Variants in EPB41L4A observed in about 807,000 individuals in gnomAD.
EPB41L4A encodes band 4.1-like protein 4A.
In EPB41L4A, 100 loss-of-function variants were observed where a neutral mutation model predicts 108.6. The observed-to-expected ratio is 0.92, with a 90% confidence interval of 0.78 to 1.09. The LOEUF (loss-of-function observed/expected upper bound fraction) is 1.09. Ranked by LOEUF, EPB41L4A falls within the 50% of genes least tolerant of loss-of-function variation. EPB41L4A has a pLI of 0.00. For missense variants in EPB41L4A, 1,030 were observed against 842.7 expected (o/e 1.22, Z -2.75); for synonymous variants, 319 against 289.0 (o/e 1.10, Z -1.05).
chr5:112,359,781 C>A (rs1472377677), intron 1 of EPB41L4A, among the ~76,000 whole-genome samples: 1 of 152,186 alleles, frequency 6.6e-6, no homozygotes, highest in Admixed American at 6.5e-5. Context: ...ACCTCGTGAT[C>A]CACCCGCCTT....
intron 16 of EPB41L4A, 104 bp downstream of exon 16, chr5:112,195,557 A>G (rs1761923637): frequency 1.2e-5 from 12 of 988,266 alleles, no homozygotes; most frequent in Non-Finnish European, 1.2e-5. Context: ...GAAAGTAAAA[A>G]AAATAAAAAA....
At chr5:112,182,263 A>T (rs890192231) in intron 18 of EPB41L4A, among the ~76,000 whole-genome samples, 1 of 152,152 alleles carries the variant, frequency 6.6e-6, no homozygotes, top group African/African-American at 2.4e-5. Flanking sequence ...ATTTCACCTC[A>T]AATTGCCTCA....
intron 12 of EPB41L4A, among the ~76,000 whole-genome samples, chr5:112,146,837 G>A (rs1382114565): frequency 6.6e-6 from 1 of 152,164 alleles, no homozygotes; most frequent in African/African-American, 2.4e-5. Flanking sequence ...ACCACTCAAA[G>A]ATGTTTCATA....
chr5:112,147,062 A>G (rs1424104012), intron 12 of EPB41L4A, among the ~76,000 whole-genome samples: 1 of 152,236 alleles, frequency 6.6e-6, no homozygotes, highest in African/African-American at 2.4e-5. Context: ...TGTAATGTGT[A>G]AAGTGTAATG....
At chr5:112,337,092 C>T (rs555316247) in intron 1 of EPB41L4A, among the ~76,000 whole-genome samples, 1 of 152,096 alleles carries the variant, frequency 6.6e-6, no homozygotes, top group Non-Finnish European at 1.5e-5. Context: ...GAGCCTGTCA[C>T]GTGAAGGTTT....
intron 9 of EPB41L4A, among the ~76,000 whole-genome samples, chr5:112,252,901 G>T (rs1304952550): frequency 1.3e-5 from 2 of 151,840 alleles, no homozygotes; most frequent in African/African-American, 4.8e-5. Context: ...TGAAAAAATA[G>T]AAGTTAATAA....
intron 7 of EPB41L4A, 118 bp from the exon 8 acceptor site, chr5:112,260,097 C>T (rs1177469233): frequency 2.6e-6 from 2 of 765,560 alleles, no homozygotes; most frequent in Non-Finnish European, 4.3e-6. Context: ...TTTTGAAAGA[C>T]ATCAGCCTAG....
At chr5:112,226,479 G>A (rs976474671) in intron 12 of EPB41L4A, among the ~76,000 whole-genome samples, 6 of 152,144 alleles carry the variant, frequency 3.9e-5, no homozygotes, top group African/African-American at 1.4e-4. Flanking sequence ...AGGTAGGCCT[G>A]GCAGCTAATT....
At chr5:112,157,261 T>C (rs1385300017) in intron 12 of EPB41L4A, among the ~76,000 whole-genome samples, 4 of 152,198 alleles carry the variant, frequency 2.6e-5, no homozygotes, top group Non-Finnish European at 5.9e-5. Context: ...GAACTCACTA[T>C]AAGCAAAAGT....
chr5:112,411,425 G>A (rs1348575953), intron 1 of EPB41L4A, among the ~76,000 whole-genome samples: 1 of 152,170 alleles, frequency 6.6e-6, no homozygotes, highest in African/African-American at 2.4e-5. Flanking sequence ...ACCTTAGGCA[G>A]GGGTGGCAGA....
Position 112,164,948 on chromosome 5 carries a change from G to A in EPB41L4A, c.*42C>T, listed in dbSNP as rs138349135. On this transcript the variant is annotated 3_prime_UTR_variant, in exon 23 of 23. Coordinates refer to ENST00000261486, the MANE Select transcript of EPB41L4A (RefSeq NM_022140.5). ...TCACAGTTTCAAAAGTACCAGTGGC[G>A]CACACAACCTTCCCACCCCTACCCT... is the stretch of plus-strand genomic sequence containing the variant. 2,358 of 1,535,840 alleles carry A rather than the reference G, an allele frequency of 1.5e-3. 29 individuals are homozygous for A. Among genetic ancestry groups the A allele is most frequent in the South Asian group, 0.01 (798 of 76,962 alleles).
intron 1 of EPB41L4A, among the ~76,000 whole-genome samples, chr5:112,398,863 G>A (rs1054111504): frequency 1.3e-5 from 2 of 151,534 alleles, no homozygotes; most frequent in African/African-American, 2.4e-5. Context: ...GACACGTCCA[G>A]GGCCTTAAAG....
intron 18 of EPB41L4A, among the ~76,000 whole-genome samples, chr5:112,172,930 T>A (rs754674877): frequency 2.6e-5 from 4 of 152,226 alleles, no homozygotes; most frequent in African/African-American, 7.2e-5. Flanking sequence ...GAGGCTGTCC[T>A]GTGCATTGTA....
chr5:112,179,940 G>A (rs2150226162), intron 18 of EPB41L4A, among the ~76,000 whole-genome samples: 1 of 152,244 alleles, frequency 6.6e-6, no homozygotes, highest in Non-Finnish European at 1.5e-5. Flanking sequence ...AGCTTCTAGA[G>A]CTAGTAAGTG....
chr5:112,374,040 G>A (rs1203740635), intron 1 of EPB41L4A, among the ~76,000 whole-genome samples: 2 of 152,198 alleles, frequency 1.3e-5, no homozygotes, highest in African/African-American at 2.4e-5. Flanking sequence ...TAACCCTGCA[G>A]GGTAGGAAGC....
intron 13 of EPB41L4A, among the ~76,000 whole-genome samples, chr5:112,209,459 T>A (rs1252470298): frequency 6.6e-6 from 1 of 152,228 alleles, no homozygotes; most frequent in African/African-American, 2.4e-5. Context: ...CTTCTGAGGA[T>A]CTGATGCCTC....
At chr5:112,217,717 C>T (rs765268422) in intron 12 of EPB41L4A, among the ~76,000 whole-genome samples, 4 of 152,182 alleles carry the variant, frequency 2.6e-5, no homozygotes, top group Non-Finnish European at 4.4e-5. Flanking sequence ...AAAAATGTTT[C>T]TGCCTTCTAA....
At chr5:112,165,260 T>A in intron 22 of EPB41L4A, 142 bp from the exon 23 acceptor site, 1 of 639,182 alleles carries the variant, frequency 1.6e-6, no homozygotes, top group Non-Finnish European at 2.7e-6. Flanking sequence ...AGCTATTCAA[T>A]AAATGTTCCC....
intron 1 of EPB41L4A, among the ~76,000 whole-genome samples, chr5:112,385,642 A>G (rs1760470098): frequency 6.6e-6 from 1 of 152,218 alleles, no homozygotes; most frequent in African/African-American, 2.4e-5. Context: ...TTGTAGTTCA[A>G]GTCAGAAGAG....
Sources: allele counts gnomAD v4.1 joint callset (sites outside exome capture counted in the v4.1 genomes callset), GRCh38; gene constraint gnomAD v4.1.1; transcripts MANE v1.5; gene names NCBI Gene and HGNC (gene_info 2026-07-23, HGNC 2026-07-21).